The following NRXN2 variants were observed in gnomAD, a reference collection of about 807,000 sequenced individuals.
NRXN2 encodes the protein neurexin 2.
NRXN2 carries 29 observed loss-of-function variants against 128.8 expected under a neutral mutation model. That is an observed-to-expected ratio of 0.23 (90% CI 0.17 to 0.31). NRXN2 has a LOEUF of 0.31. Ranked by LOEUF, NRXN2 falls within the 10% of genes least tolerant of loss-of-function variation. NRXN2 has a pLI of 1.00. For synonymous variants in NRXN2, 1,098 were observed against 1,075.2 expected (o/e 1.02, Z -0.41); for missense variants, 1,881 against 2,452.6 (o/e 0.77, Z 4.92).
intron 12 of NRXN2, 79 bp from the exon 13 acceptor site, chr11:64,652,233 A>C (rs2047567592): frequency 6.5e-7 from 1 of 1,528,628 alleles, no homozygotes; most frequent in Admixed American, 1.9e-5. Flanking sequence ...GGATACACAG[A>C]CAGCCTCCCC....
Position 64,607,548 on chromosome 11 carries a change from AG to A in NRXN2, c.4786del (p.Leu1596CysfsTer5). 6.5e-7 allele frequency: 1 copy of A among 1,549,514 alleles called. No homozygotes were observed. ...TSFEPRRPPP[L>X]RPGVTSAPGF... The stretch of plus-strand genomic sequence containing the variant: ...GGGGGCTGAGGTCACGCCGGGGCGC[AG>A]GGGAGGGGGCCTCCGCGGCTCAAAG... On this transcript the variant is annotated frameshift_variant, in exon 23 of 23. Transcript: ENST00000265459. LOFTEE classifies it high-confidence loss of function.
intron 19 of NRXN2, 50 bp from the exon 20 acceptor site, chr11:64,626,602 AG>A: frequency 7.2e-7 from 1 of 1,384,662 alleles, no homozygotes; most frequent in Non-Finnish European, 1.0e-6. Context: ...CGAAGTCCAA[AG>A]GAGTTAGAAA....
chr11:64,707,555 GT>G (rs961202012), intron 2 of NRXN2, among the ~76,000 whole-genome samples: 7 of 152,104 alleles, frequency 4.6e-5, no homozygotes, highest in Admixed American at 1.3e-4. Context: ...CTATTGTGCT[GT>G]TTTTTTGCTA....
intron 6 of NRXN2, among the ~76,000 whole-genome samples, chr11:64,679,974 C>G (rs1304098868): frequency 6.6e-6 from 1 of 152,156 alleles, no homozygotes; most frequent in Non-Finnish European, 1.5e-5. Flanking sequence ...AGATGAGCAA[C>G]AAAGGCTTTA....
chr11:64,684,850 C>G (rs475406), intron 6 of NRXN2, among the ~76,000 whole-genome samples: 2,701 of 152,296 alleles, frequency 0.018, 82 homozygotes, highest in African/African-American at 0.061. Flanking sequence ...GTGGGAGCAT[C>G]TGGGAACAGG....
At chr11:64,680,959 T>C (rs978835223) in intron 6 of NRXN2, among the ~76,000 whole-genome samples, 5 of 151,842 alleles carry the variant, frequency 3.3e-5, no homozygotes, top group African/African-American at 1.2e-4. Flanking sequence ...TAGCCGGGCA[T>C]GGTGGCAGGA....
rs376852649 is a variant in NRXN2 at position 64,632,911 on chromosome 11, G to A, written c.3586-2338C>T. On this transcript the variant is annotated intron_variant, in intron 18 of 22. Coordinates refer to ENST00000265459, the MANE Select transcript of NRXN2 (RefSeq NM_015080.4). This position sits in a 1 kb window ranked among gnomAD's most constrained non-coding sequence, Gnocchi z 4.2. ...ATTGCTTTTCTCTTATTTTGCTGCC[G>A]CCTCCCCACTCTCTGAGAGCTGCTA... 7.9e-5 allele frequency among the ~76,000 whole-genome samples: 12 copies of A among 152,184 alleles called. No homozygotes were observed. The highest frequency in any genetic ancestry group is 2.1e-4 in the South Asian group (1 of 4,826).
intron 9 of NRXN2, among the ~76,000 whole-genome samples, chr11:64,661,874 T>C (rs2049076090): frequency 1.3e-5 from 2 of 152,034 alleles, no homozygotes; most frequent in Non-Finnish European, 2.9e-5. Context: ...CACAAGCAGA[T>C]TGGCTCCAGG....
intron 22 of NRXN2, among the ~76,000 whole-genome samples, chr11:64,614,315 G>C (rs566307429): frequency 6.6e-6 from 1 of 152,336 alleles, no homozygotes; most frequent in East Asian, 1.9e-4. Flanking sequence ...AAGAGAAAGA[G>C]GCATGGGGGC....
intron 9 of NRXN2, among the ~76,000 whole-genome samples, chr11:64,665,259 G>A (rs1047655253): frequency 2.0e-5 from 3 of 150,988 alleles, no homozygotes; most frequent in Admixed American, 6.6e-5. Context: ...CCAGCCTGGC[G>A]ACAGAGCAAG....
At chr11:64,690,250 T>C (rs996357126) in intron 5 of NRXN2, among the ~76,000 whole-genome samples, 155 bp downstream of exon 5, 2 of 152,178 alleles carry the variant, frequency 1.3e-5, no homozygotes, top group East Asian at 1.9e-4. Flanking sequence ...ATGGGGCCTT[T>C]GGAATGGCAC....
chr11:64,693,012 A>C, intron 3 of NRXN2, 136 bp from the exon 4 acceptor site: 1 of 783,772 alleles, frequency 1.3e-6, no homozygotes, highest in African/African-American at 1.8e-5. Context: ...TTGCTGCCAC[A>C]ATTTAAAAAC....
At chr11:64,705,746 C>G (rs570154763) in intron 2 of NRXN2, among the ~76,000 whole-genome samples, 1 of 151,690 alleles carries the variant, frequency 6.6e-6, no homozygotes. Context: ...TTGTGCCAAG[C>G]CTGCTCCCCT....
rs2043819935 is a variant in NRXN2, at chr11:64,630,967, G to A, written c.3586-394C>T. Among the ~76,000 whole-genome samples the A allele has an allele frequency of 6.6e-6, 1 of 152,324 alleles. No homozygotes were observed. Among genetic ancestry groups the A allele is most frequent in the African/African-American group, 2.4e-5 (1 of 41,570 alleles). Reference sequence around the variant, plus strand: ...GCCTCTCTAAGGCAAGATCAGCAGAGAAGTCCACAGAAGCCGGCCTCTGCC... The same window carrying A: ...GCCTCTCTAAGGCAAGATCAGCAGAAAAGTCCACAGAAGCCGGCCTCTGCC... On this transcript the variant is annotated intron_variant, in intron 18 of 22. Coordinates refer to ENST00000265459, the MANE Select transcript of NRXN2 (RefSeq NM_015080.4). This position sits in a 1 kb window ranked among gnomAD's most constrained non-coding sequence, Gnocchi z 4.6.
chr11:64,670,633 G>A (rs1432585845), intron 7 of NRXN2, among the ~76,000 whole-genome samples: 2 of 152,156 alleles, frequency 1.3e-5, no homozygotes, highest in Non-Finnish European at 2.9e-5. Flanking sequence ...TGAGGGGCAG[G>A]CACCAGCCTG....
chr11:64,681,127 A>C (rs1374566956), intron 6 of NRXN2, among the ~76,000 whole-genome samples: 2 of 151,924 alleles, frequency 1.3e-5, no homozygotes, highest in Non-Finnish European at 2.9e-5. Flanking sequence ...AAAAAAAAAA[A>C]AAGTGAATTG....
chr11:64,697,306 G>C (rs1289701187), intron 3 of NRXN2, among the ~76,000 whole-genome samples: 2 of 152,130 alleles, frequency 1.3e-5, no homozygotes, highest in Non-Finnish European at 2.9e-5. Context: ...CCAGTCCCCT[G>C]AGCCCTGCAC....
rs1591431272 is a variant in NRXN2, at chr11:64,607,918, A to G, written c.4417T>C (p.Ser1473Pro). Residue 1473 changes from serine (S) to proline (P), a missense_variant, in exon 23 of 23, where the codon TCT becomes CCT. Ser to Pro is a moderately conservative substitution (Grantham distance 74). Transcript: ENST00000265459. Reference protein sequence around the residue: ...LPPPAARRPPSGGPCQAERDD... With the variant: ...LPPPAARRPPPGGPCQAERDD... The stretch of plus-strand genomic sequence containing the variant: ...CGCTCGGCCTGGCACGGGCCCCCAG[A>G]GGGCGGGCGGCGCGCGGCGGGCGGG... 3 of 1,506,838 alleles carry G rather than the reference A, an allele frequency of 2.0e-6. No individual in the cohort carries two copies. Among genetic ancestry groups the G allele is most frequent in the Non-Finnish European group, 2.7e-6 (3 of 1,124,762 alleles). 93.3% of individuals were successfully genotyped at this position (1,506,838 alleles called of 1,614,324 possible).
intron 11 of NRXN2, among the ~76,000 whole-genome samples, chr11:64,657,114 A>G (rs2048386405): frequency 6.6e-6 from 1 of 152,198 alleles, no homozygotes; most frequent in Non-Finnish European, 1.5e-5. Context: ...CCAGAGACCA[A>G]GCCTCACCAG....
Sources: allele counts gnomAD v4.1 joint callset (sites outside exome capture counted in the v4.1 genomes callset), GRCh38; gene constraint gnomAD v4.1.1; non-coding constraint Gnocchi (gnomAD v3.1); transcripts MANE v1.5; gene names NCBI Gene and HGNC (gene_info 2026-07-23, HGNC 2026-07-21).